PRKDC: variants seen among roughly 807,000 people sequenced by gnomAD.
PRKDC encodes protein kinase, DNA-activated, catalytic subunit.
PRKDC carries 82 observed loss-of-function variants against 486.9 expected under a neutral mutation model. The observed-to-expected ratio is 0.17, with a 90% CI of 0.14 to 0.20. The LOEUF (loss-of-function observed/expected upper bound fraction) is 0.20, where lower values mean the gene tolerates loss of function less well. PRKDC is among the 10% of genes least tolerant of loss of function. The probability of loss-of-function intolerance (pLI) is 1.00; values close to 1 mark genes in which losing one functional copy is unlikely to be tolerated. For missense variants in PRKDC, 4,504 were observed against 5,038.2 expected, an observed-to-expected ratio of 0.89 and a Z score of 3.21; for synonymous variants, 1,895 against 1,837.0, an observed-to-expected ratio of 1.03 and a Z score of -0.81.
At chr8:47,869,865 A>G (rs907062537) in intron 40 of PRKDC, among the ~76,000 whole-genome samples, 1 of 152,110 alleles carries the variant, frequency 6.6e-6, no homozygotes, top group Admixed American at 6.5e-5. Context: ...AGAGCCCTTG[A>G]GCCTTGAGTG....
At chr8:47,892,568 TG>T (rs1375440466) in intron 31 of PRKDC, among the ~76,000 whole-genome samples, 1 of 152,152 alleles carries the variant, frequency 6.6e-6, no homozygotes, top group Non-Finnish European at 1.5e-5. Flanking sequence ...TGGGCTCAAG[TG>T]GTCCTCCTGC....
In PRKDC at chr8:47,777,014, G is replaced by C. The variant is rs555718765; in HGVS notation, c.12043-31C>G. On this transcript the variant is annotated intron_variant, in intron 84 of 85. Coordinates refer to ENST00000314191, the MANE Select transcript of PRKDC (RefSeq NM_006904.7). ...AGAAAAGAACATGATTTTCCCGGCT[G>C]ATCATAATGGTATATACAATCATGC... is the stretch of plus-strand genomic sequence containing the variant. 12 of 1,599,606 alleles carry C rather than the reference G, an allele frequency of 7.5e-6. No individual in the cohort carries two copies. The African/African-American group carries it at 1.6e-4, about 22-fold the overall frequency.
intron 56 of PRKDC, among the ~76,000 whole-genome samples, chr8:47,838,067 C>T (rs2088066059): frequency 6.6e-6 from 1 of 152,000 alleles, no homozygotes; most frequent in African/African-American, 2.4e-5. Context: ...ACCTAGGAGG[C>T]GGAGGTTGCA....
intron 25 of PRKDC, among the ~76,000 whole-genome samples, chr8:47,908,317 C>A (rs1412530644): frequency 6.6e-6 from 1 of 152,146 alleles, no homozygotes; most frequent in East Asian, 1.9e-4. Context: ...TTATGAGCTG[C>A]CTATTTTTTT....
At chr8:47,822,697 G>A (rs2087630644) in intron 64 of PRKDC, among the ~76,000 whole-genome samples, 1 of 152,160 alleles carries the variant, frequency 6.6e-6, no homozygotes, top group Admixed American at 6.5e-5. Flanking sequence ...GGCTGAGGCA[G>A]GAGAATGGCG....
intron 74 of PRKDC, among the ~76,000 whole-genome samples, chr8:47,789,787 A>G (rs989902688): frequency 1.3e-5 from 2 of 152,220 alleles, no homozygotes; most frequent in African/African-American, 4.8e-5. Context: ...CAAATCAATC[A>G]TATCTACACA....
intron 77 of PRKDC, among the ~76,000 whole-genome samples, chr8:47,784,776 T>TA (rs1432198496): frequency 1.3e-5 from 2 of 152,104 alleles, no homozygotes; most frequent in African/African-American, 4.8e-5. Context: ...TCTGCCTCTA[T>TA]ACCTGTATAT....
chr8:47,851,703 C>A (rs1428513351), intron 52 of PRKDC, among the ~76,000 whole-genome samples: 1 of 152,120 alleles, frequency 6.6e-6, no homozygotes, highest in Non-Finnish European at 1.5e-5. Flanking sequence ...ACGAGGCGGG[C>A]AGGGGAGCAG....
chr8:47,831,164 C>T (rs1213530226), intron 60 of PRKDC, among the ~76,000 whole-genome samples: 2 of 152,076 alleles, frequency 1.3e-5, no homozygotes, highest in Non-Finnish European at 2.9e-5. Context: ...AACAGTGCCC[C>T]GGGGGCGCAG....
chr8:47,904,637 C>T (rs1262194091), intron 26 of PRKDC, among the ~76,000 whole-genome samples: 1 of 152,134 alleles, frequency 6.6e-6, no homozygotes, highest in African/African-American at 2.4e-5. Flanking sequence ...GATTGAAATA[C>T]AAAAAATTAG....
Position 47,799,079 on chromosome 8 carries a change from TAA to T in PRKDC, c.10297+129_10297+130del, listed in dbSNP as rs2087042362. 2.4e-6 allele frequency: 3 copies of T among 1,263,738 alleles called. No homozygotes were observed. In the Admixed American group the frequency reaches 7.0e-5, roughly 29 times the overall value. The allele number at this position is 1,263,738 out of a possible 1,614,324, so 78.3% of individuals were successfully genotyped here. ...ACTGCACCCGGCTGCCATTGTCTCTTAAAAAGACAGTAGGATTTTCAAAATAT... is the reference window on the plus strand; with the variant it reads ...ACTGCACCCGGCTGCCATTGTCTCTTAAAGACAGTAGGATTTTCAAAATAT... On this transcript the variant is annotated intron_variant, in intron 72 of 85. Coordinates refer to ENST00000314191, the MANE Select transcript of PRKDC (RefSeq NM_006904.7).
chr8:47,897,127 C>T (rs997990112), intron 30 of PRKDC, 34 bp downstream of exon 30: 11 of 1,542,164 alleles, frequency 7.1e-6, no homozygotes, highest in Admixed American at 3.5e-5. Context: ...AATAAAGCAC[C>T]GTGGTGAAAT....
At chr8:47,953,767 C>T (rs1554647357) in intron 6 of PRKDC, 40 bp downstream of exon 6, 3 of 1,580,662 alleles carry the variant, frequency 1.9e-6, no homozygotes, top group Non-Finnish European at 2.6e-6. Context: ...AAAAACACAA[C>T]CACATCTATG....
In PRKDC at chr8:47,888,509, T is replaced by C; in HGVS notation, c.4413+9A>G. ...TAAAATAAATGTAAAAACAATAAGT[T>C]ATAGTTACCTGAGACGGTAATATAT... On this transcript the variant is annotated intron_variant, in intron 34 of 85. Coordinates refer to ENST00000314191, the MANE Select transcript of PRKDC (RefSeq NM_006904.7). 2 of 1,517,422 alleles carry C rather than the reference T, an allele frequency of 1.3e-6. No individual in the cohort carries two copies. The highest frequency in any genetic ancestry group is 2.6e-5 in the South Asian group (2 of 76,046). 94.0% of individuals were successfully genotyped at this position (1,517,422 alleles called of 1,614,324 possible). A position where few individuals can be genotyped will look rare whatever the true frequency, so the allele number is the denominator to read the frequency against.
At chr8:47,955,850 A>G (rs1051000698) in intron 4 of PRKDC, 24 bp downstream of exon 4, 12 of 1,516,648 alleles carry the variant, frequency 7.9e-6, no homozygotes, top group Non-Finnish European at 1.1e-5. Flanking sequence ...AATGTAAAAT[A>G]CGTGTACTTA....
At chr8:47,843,116 C>T (rs2088187604) in intron 54 of PRKDC, among the ~76,000 whole-genome samples, 1 of 152,108 alleles carries the variant, frequency 6.6e-6, no homozygotes, top group Non-Finnish European at 1.5e-5. Context: ...AGCAGTAAGT[C>T]ACGGCCACAA....
chr8:47,947,139 G>C (rs1287023437), intron 7 of PRKDC, among the ~76,000 whole-genome samples: 1 of 152,150 alleles, frequency 6.6e-6, no homozygotes, highest in Non-Finnish European at 1.5e-5. Context: ...CTAAGCACAG[G>C]GCTAGAGACT....
At chr8:47,896,789 G>A (rs901072541) in intron 30 of PRKDC, among the ~76,000 whole-genome samples, 2 of 152,160 alleles carry the variant, frequency 1.3e-5, no homozygotes, top group East Asian at 3.8e-4. Flanking sequence ...CCTGAGCACA[G>A]CTTCCCCACT....
rs575253416 is a variant in PRKDC, at chr8:47,794,157, G to A, written c.10670+133C>T. The A allele has an allele frequency of 2.3e-3, 1,693 of 739,232 alleles. 51 individuals carry two copies. In the South Asian group the frequency reaches 0.029, roughly 13 times the overall value. 45.8% of individuals were successfully genotyped at this position (739,232 alleles called of 1,614,324 possible). On this transcript the variant is annotated intron_variant, in intron 74 of 85. Transcript: ENST00000314191. ...CCAGAATAGATATATTCAACAAAGCGACGGCTAAGATTATTCTTCAATGAC... is the reference window on the plus strand; with the variant it reads ...CCAGAATAGATATATTCAACAAAGCAACGGCTAAGATTATTCTTCAATGAC...
Sources: gnomAD v4.1 joint callset for allele counts (sites outside exome capture counted in the v4.1 genomes callset) on GRCh38, gnomAD v4.1.1 for gene constraint, MANE v1.5 for transcripts, NCBI Gene and HGNC (gene_info 2026-07-23, HGNC 2026-07-21) for gene names.